CCND3: variants seen among roughly 807,000 people sequenced by gnomAD.
CCND3 encodes the protein G1/S-specific cyclin-D3.
CCND3 carries 9 observed loss-of-function variants against 28.7 expected under a neutral mutation model. That is an observed-to-expected ratio of 0.31 (90% confidence interval 0.19 to 0.55). The LOEUF (loss-of-function observed/expected upper bound fraction) is 0.55. Ranked by LOEUF, CCND3 falls within the 20% of genes least tolerant of loss-of-function variation. The pLI, the probability that CCND3 is intolerant of heterozygous loss-of-function variation, is 0.93. For missense variants in CCND3, 315 were observed against 385.8 expected, an observed-to-expected ratio of 0.82 and a Z score of 1.54; for synonymous variants, 164 against 163.9, an observed-to-expected ratio of 1.00 and a Z score of 0.00.
intron 1 of CCND3, among the ~76,000 whole-genome samples, chr6:42,012,710 G>A (rs1272810817): frequency 9.9e-5 from 15 of 152,212 alleles, no homozygotes; most frequent in Non-Finnish European, 1.9e-4. Flanking sequence ...CTATTAAAAT[G>A]TGGGTAGTGT....
intron 1 of CCND3, among the ~76,000 whole-genome samples, chr6:42,039,006 A>G (rs1377610099): frequency 6.6e-6 from 1 of 152,184 alleles, no homozygotes; most frequent in African/African-American, 2.4e-5. Flanking sequence ...ACGGTCATAA[A>G]TTCAGTTATA....
chr6:42,047,030 T>C (rs542891170), intron 1 of CCND3, among the ~76,000 whole-genome samples: 2 of 152,314 alleles, frequency 1.3e-5, no homozygotes, highest in African/African-American at 2.4e-5. Context: ...GCCTACCTCA[T>C]AGGACTATAT....
chr6:42,040,882 A>AC (rs1360891992), intron 1 of CCND3, among the ~76,000 whole-genome samples: 4 of 152,032 alleles, frequency 2.6e-5, no homozygotes, highest in Admixed American at 2.6e-4. Context: ...AAAAAAACAA[A>AC]AAAAAAAACC....
At chr6:42,028,830 C>T (rs1196994562) in intron 1 of CCND3, among the ~76,000 whole-genome samples, 1 of 152,210 alleles carries the variant, frequency 6.6e-6, no homozygotes, top group Non-Finnish European at 1.5e-5. Flanking sequence ...CAATGTCTGG[C>T]ACACAGCAAG....
At chr6:41,977,085 C>T (rs1762205347) in intron 1 of CCND3, among the ~76,000 whole-genome samples, 1 of 152,314 alleles carries the variant, frequency 6.6e-6, no homozygotes, top group East Asian at 1.9e-4. Flanking sequence ...CATAAGGAAT[C>T]CAGCCTGCAG....
At chr6:42,010,476 A>G (rs1763310677) in intron 1 of CCND3, among the ~76,000 whole-genome samples, 1 of 151,990 alleles carries the variant, frequency 6.6e-6, no homozygotes, top group South Asian at 2.1e-4. Flanking sequence ...TCCTCATTTC[A>G]CCCAGCTGCC....
intron 1 of CCND3, among the ~76,000 whole-genome samples, chr6:42,009,619 A>AC (rs1258833918): frequency 3.3e-5 from 3 of 90,318 alleles, no homozygotes; most frequent in Non-Finnish European, 7.8e-5. Flanking sequence ...TTTCAAAACA[A>AC]AAAAACAAAA....
upstream of CCND3, among the ~76,000 whole-genome samples, chr6:41,944,797 G>T (rs191048221): frequency 7.2e-5 from 11 of 152,276 alleles, no homozygotes; most frequent in Admixed American, 4.6e-4. Context: ...TGAACCTGTA[G>T]TATGGGGACG....
At chr6:42,016,273 C>T (rs748800126) in intron 1 of CCND3, among the ~76,000 whole-genome samples, 14 of 152,126 alleles carry the variant, frequency 9.2e-5, no homozygotes, top group Non-Finnish European at 1.6e-4. Flanking sequence ...CCATGTTGTA[C>T]GATACGTCTC....
chr6:41,964,054 T>C (rs1161948442), intron 1 of CCND3, among the ~76,000 whole-genome samples: 3 of 152,176 alleles, frequency 2.0e-5, no homozygotes, highest in Non-Finnish European at 2.9e-5. Context: ...GTAGAATGGA[T>C]GAATAAAGTA....
intron 1 of CCND3, among the ~76,000 whole-genome samples, chr6:41,982,465 C>G (rs1367556470): frequency 6.6e-6 from 1 of 152,046 alleles, no homozygotes; most frequent in Non-Finnish European, 1.5e-5. Context: ...AGAACTCAAT[C>G]AATAGAGAAG....
chr6:41,942,227 T>A (rs948877628), upstream of CCND3, among the ~76,000 whole-genome samples: 2 of 152,218 alleles, frequency 1.3e-5, no homozygotes, highest in Non-Finnish European at 2.9e-5. Flanking sequence ...ATGTAATGAC[T>A]CACTACATCT....
At chr6:42,044,334 G>A (rs1441488661) in intron 1 of CCND3, among the ~76,000 whole-genome samples, 1 of 152,112 alleles carries the variant, frequency 6.6e-6, no homozygotes, top group Non-Finnish European at 1.5e-5. Flanking sequence ...TGAAGAACCC[G>A]GCAACACTCT....
At position 41,937,411 on chromosome 6, in the gene CCND3, A is replaced by G; in HGVS notation, c.415-17T>C. The G allele has an allele frequency of 6.2e-7, 1 of 1,613,840 alleles. No homozygotes were observed. Among genetic ancestry groups the G allele is most frequent in the African/African-American group, 1.3e-5 (1 of 75,046 alleles). ...CTCCCAGTCCTGAAAAAGCGGGGAAAGGGTGGGGTCAGTGGCTGGAGAAGT... is the reference window on the plus strand; with the variant it reads ...CTCCCAGTCCTGAAAAAGCGGGGAAGGGGTGGGGTCAGTGGCTGGAGAAGT... On this transcript the variant is annotated splice_polypyrimidine_tract_variant and intron_variant, in intron 2 of 4. Transcript: ENST00000372991.
chr6:42,001,854 C>A (rs1403509779), intron 1 of CCND3, among the ~76,000 whole-genome samples: 1 of 152,112 alleles, frequency 6.6e-6, no homozygotes, highest in African/African-American at 2.4e-5. Flanking sequence ...GTAGCTCATG[C>A]CTATAATCCC....
At chr6:42,028,245 C>T (rs1192879574) in intron 1 of CCND3, among the ~76,000 whole-genome samples, 2 of 151,962 alleles carry the variant, frequency 1.3e-5, no homozygotes, top group African/African-American at 4.8e-5. Context: ...GGAGGGTGGC[C>T]AGGGAAGGAG....
At chr6:41,997,778 A>T (rs1024262489) in intron 1 of CCND3, among the ~76,000 whole-genome samples, 2 of 152,020 alleles carry the variant, frequency 1.3e-5, no homozygotes, top group Non-Finnish European at 2.9e-5. Flanking sequence ...CACCACCCAG[A>T]AGAGCCCCAT....
At chr6:41,937,509 C>CCCCA (rs1775846462) in intron 2 of CCND3, 115 bp from the exon 3 acceptor site, 2 of 1,227,546 alleles carry the variant, frequency 1.6e-6, no homozygotes, top group African/African-American at 1.5e-5. Flanking sequence ...AAGCCCAAGA[C>CCCCA]CCCAGTTCTG....
intron 1 of CCND3, among the ~76,000 whole-genome samples, chr6:42,039,969 C>T (rs1413555110): frequency 5.3e-5 from 8 of 152,268 alleles, no homozygotes; most frequent in African/African-American, 1.2e-4. Context: ...CTGCATGTCA[C>T]GCACACAGGC....
Sources: gnomAD v4.1 joint callset for allele counts (sites outside exome capture counted in the v4.1 genomes callset) on GRCh38, gnomAD v4.1.1 for gene constraint, MANE v1.5 for transcripts, NCBI Gene and HGNC (gene_info 2026-07-23, HGNC 2026-07-21) for gene names.